The following SBF1 variants were observed in gnomAD, a reference collection of about 807,000 sequenced individuals.
SBF1 encodes the protein SET binding factor 1, also known as myotubularin-related protein 5.
In SBF1, 65 loss-of-function variants were observed where a neutral mutation model predicts 215.8. The ratio of observed to expected loss-of-function variants is 0.30; its 90% confidence interval spans 0.25 to 0.37. The LOEUF (loss-of-function observed/expected upper bound fraction) is 0.37, where lower values mean the gene tolerates loss of function less well. SBF1 is among the 10% of genes least tolerant of loss of function. The pLI is 1.00. For missense variants in SBF1, 2,634 were observed against 2,667.8 expected (o/e 0.99, Z 0.28); for synonymous variants, 1,410 against 1,122.8 (o/e 1.26, Z -5.11).
intron 1 of SBF1, among the ~76,000 whole-genome samples, chr22:50,469,003 G>C (rs2067897672): frequency 6.6e-6 from 1 of 152,176 alleles, no homozygotes; most frequent in African/African-American, 2.4e-5. Context: ...TATCCCAGCT[G>C]CTTCAGAGAC....
intron 36 of SBF1, 83 bp from the exon 37 acceptor site, chr22:50,448,733 A>G: frequency 8.6e-7 from 1 of 1,161,996 alleles, no homozygotes; most frequent in Non-Finnish European, 1.3e-6. Context: ...AACACAGGAA[A>G]GAGACACAAC....
At chr22:50,469,604 TCTC>T (rs1326932322) in intron 1 of SBF1, among the ~76,000 whole-genome samples, 1 of 152,026 alleles carries the variant, frequency 6.6e-6, no homozygotes, top group African/African-American at 2.4e-5. Flanking sequence ...CTGCCTGCCT[TCTC>T]CTCCACACAA....
chr22:50,458,047 C>G (rs566376219), intron 28 of SBF1, among the ~76,000 whole-genome samples: 41 of 152,292 alleles, frequency 2.7e-4, no homozygotes, highest in Non-Finnish European at 4.4e-4. Flanking sequence ...CGCCTGTAAT[C>G]CCAGCACTTT....
At chr22:50,468,171 G>T (rs1207612557) in intron 2 of SBF1, among the ~76,000 whole-genome samples, 2 of 152,206 alleles carry the variant, frequency 1.3e-5, no homozygotes, top group African/African-American at 4.8e-5. Flanking sequence ...CATCATGAGT[G>T]AGTGACAACA....
rs956290940 is a variant in SBF1, at chr22:50,446,685, G to T, written c.*457C>A. On this transcript the variant is annotated 3_prime_UTR_variant, in exon 41 of 41. Transcript: ENST00000380817. ...CCGAGCTGGGTGGACCCAGGCACCA[G>T]GAGAGGCTCACGAGAAAGATGCCAA... 2 of 390,458 alleles carry T rather than the reference G, an allele frequency of 5.1e-6. No individual in the cohort carries two copies. The highest frequency in any genetic ancestry group is 4.1e-5 in the African/African-American group (2 of 48,316). 24.2% of individuals were successfully genotyped at this position (390,458 alleles called of 1,614,324 possible).
At chr22:50,456,809 CGA>C in intron 29 of SBF1, 136 bp from the exon 30 acceptor site, 3 of 798,828 alleles carry the variant, frequency 3.8e-6, no homozygotes, top group Non-Finnish European at 5.8e-6. Flanking sequence ...CAGGGCCGTG[CGA>C]GAGGAGGGCT....
chr22:50,450,064 C>T (rs769506494), intron 36 of SBF1, among the ~76,000 whole-genome samples: 1 of 152,226 alleles, frequency 6.6e-6, no homozygotes, highest in African/African-American at 2.4e-5. Context: ...TCCAGGGGCG[C>T]TAGTGCAGCT....
Position 50,462,914 on chromosome 22 carries a change from C to T in SBF1, c.1924G>A (p.Gly642Ser), listed in dbSNP as rs1183765285. 6.2e-7 allele frequency: 1 copy of T among 1,613,250 alleles called. No homozygotes were observed. Among genetic ancestry groups the T allele is most frequent in the African/African-American group, 1.3e-5 (1 of 75,034 alleles). ...LQDCTSLDEHGIAAALLPLVT... is the reference protein window; with the variant it reads ...LQDCTSLDEHSIAAALLPLVT... Reference sequence around the variant, plus strand: ...AGAGGCAGCAGAGCCGCCGCAATGCCATGCTCGTCCAGAGAAGTGCAGTCC... The same window carrying T: ...AGAGGCAGCAGAGCCGCCGCAATGCTATGCTCGTCCAGAGAAGTGCAGTCC... Residue 642 changes from glycine to serine, a missense_variant, in exon 17 of 41, where the codon GGC (glycine) becomes AGC (serine). Coordinates refer to ENST00000380817, the MANE Select transcript of SBF1 (RefSeq NM_002972.4).
rs1467543994 is a variant in SBF1 at position 50,448,607 on chromosome 22, C to T, written c.5087G>A (p.Arg1696His). 3.7e-6 allele frequency: 6 copies of T among 1,611,782 alleles called. No individual in the cohort carries two copies. Among genetic ancestry groups the T allele is most frequent in the South Asian group, 1.1e-5 (1 of 91,088 alleles). Residue 1696 changes from arginine (R) to histidine (H), a missense_variant, in exon 37 of 41, where the codon CGC becomes CAC. Arg to His is a conservative substitution (Grantham distance 29, BLOSUM62 0). Coordinates refer to ENST00000380817, the MANE Select transcript of SBF1 (RefSeq NM_002972.4). ...LETELGQPAERWKDTWDRVKA... is the reference protein window; with the variant it reads ...LETELGQPAEHWKDTWDRVKA... ...CACCCGGTCCCAGGTGTCCTTCCAG[C>T]GCTCAGCGGGTTGGCCCAACTCTGT... is the stretch of plus-strand genomic sequence containing the variant.
In SBF1 at chr22:50,463,438, G is replaced by T. The variant is rs754456571; in HGVS notation, c.1750-6C>A. On this transcript the variant is annotated splice_polypyrimidine_tract_variant and splice_region_variant and intron_variant, in intron 15 of 40. Transcript: ENST00000380817. The stretch of plus-strand genomic sequence containing the variant: ...CTCAACACGGCTGGGAGCAGCTGGG[G>T]GTGGGGAAAGGAGACACGGGCTGAG... The T allele has an allele frequency of 6.4e-7, 1 of 1,562,198 alleles. No homozygotes were observed. Among genetic ancestry groups the T allele is most frequent in the Admixed American group, 1.9e-5 (1 of 52,558 alleles).
intron 16 of SBF1, 98 bp downstream of exon 16, chr22:50,463,185 T>G: frequency 6.7e-7 from 1 of 1,492,676 alleles, no homozygotes; most frequent in South Asian, 1.2e-5. Context: ...AGGAGTCTCT[T>G]GCACCGTCTC....
chr22:50,452,355 G>A (rs2067079339), intron 36 of SBF1, among the ~76,000 whole-genome samples: 1 of 152,156 alleles, frequency 6.6e-6, no homozygotes, highest in African/African-American at 2.4e-5. Context: ...AATGAAGAAT[G>A]TTATAAATGG....
chr22:50,473,625 G>T (rs149570642), intron 1 of SBF1, among the ~76,000 whole-genome samples: 1 of 152,170 alleles, frequency 6.6e-6, no homozygotes, highest in Non-Finnish European at 1.5e-5. Context: ...AGGAAGTGTA[G>T]GGGGGTGTCC....
chr22:50,454,961 C>T lies in SBF1; in HGVS notation c.4682-17G>A, dbSNP rs767138033. On this transcript the variant is annotated splice_polypyrimidine_tract_variant and intron_variant, in intron 34 of 40. Transcript: ENST00000380817. ...ACAGCAGCCCTGCACAGAAGCAGCACTGAGCCTGGGCCCCTCCTGACCCGT... is the reference window on the plus strand; with the variant it reads ...ACAGCAGCCCTGCACAGAAGCAGCATTGAGCCTGGGCCCCTCCTGACCCGT... 17 of 1,613,882 alleles carry T rather than the reference C, an allele frequency of 1.1e-5. No individual in the cohort carries two copies. Among genetic ancestry groups the T allele is most frequent in the African/African-American group, 4.0e-5 (3 of 74,938 alleles).
intron 1 of SBF1, among the ~76,000 whole-genome samples, chr22:50,472,816 C>G (rs115445332): frequency 6.6e-6 from 1 of 152,184 alleles, no homozygotes; most frequent in Non-Finnish European, 1.5e-5. Context: ...CCTTGTTCCC[C>G]TCAAGAATGA....
intron 29 of SBF1, 51 bp downstream of exon 29, chr22:50,456,983 C>T: frequency 6.7e-6 from 9 of 1,343,530 alleles, no homozygotes; most frequent in Non-Finnish European, 7.8e-6. Context: ...ACACTAGAGG[C>T]CGCCAGCACC....
chr22:50,470,735 T>C (rs2067967083), intron 1 of SBF1, among the ~76,000 whole-genome samples: 3 of 152,156 alleles, frequency 2.0e-5, no homozygotes, highest in African/African-American at 7.2e-5. Flanking sequence ...ACACGTACAG[T>C]CGGCTACACA....
In SBF1 at chr22:50,460,719, C is replaced by CA; in HGVS notation, c.2968-8dup. 7.4e-6 allele frequency: 12 copies of CA among 1,611,678 alleles called. No homozygotes were observed. Among genetic ancestry groups the CA allele is most frequent in the Non-Finnish European group, 1.0e-5 (12 of 1,179,516 alleles). The stretch of plus-strand genomic sequence containing the variant: ...CAAAGGCCATTTTCAGCAGCTGTGT[C>CA]AGTAAAAGCAGCCCTTAGGGGTGTG... On this transcript the variant is annotated splice_polypyrimidine_tract_variant and splice_region_variant and intron_variant, in intron 23 of 40. Coordinates refer to ENST00000380817, the MANE Select transcript of SBF1 (RefSeq NM_002972.4).
intron 36 of SBF1, among the ~76,000 whole-genome samples, chr22:50,453,146 A>G (rs1307523393): frequency 2.6e-5 from 4 of 152,230 alleles, no homozygotes; most frequent in Non-Finnish European, 5.9e-5. Context: ...CTACATCTAC[A>G]TTCTGTGTAC....
Sources: allele counts gnomAD v4.1 joint callset (sites outside exome capture counted in the v4.1 genomes callset), GRCh38; gene constraint gnomAD v4.1.1; transcripts MANE v1.5; gene names NCBI Gene and HGNC (gene_info 2026-07-23, HGNC 2026-07-21).